PHLDB2: variants seen among roughly 807,000 people sequenced by gnomAD.
The protein encoded by PHLDB2 is pleckstrin homology-like domain family B member 2.
In PHLDB2, 71 loss-of-function variants were observed where a neutral mutation model predicts 123.6. That is an observed-to-expected ratio of 0.57 (90% CI 0.47 to 0.70). The LOEUF (loss-of-function observed/expected upper bound fraction) is 0.70. PHLDB2 is among the 30% of genes least tolerant of loss of function. The pLI is 0.00. For missense variants in PHLDB2, 1,446 were observed against 1,519.5 expected (o/e 0.95, Z 0.80); for synonymous variants, 547 against 541.6 (o/e 1.01, Z -0.14).
At chr3:111,825,734 C>G (rs992569419) in intron 1 of PHLDB2, among the ~76,000 whole-genome samples, 7 of 152,210 alleles carry the variant, frequency 4.6e-5, no homozygotes, top group African/African-American at 9.7e-5. Context: ...CGGGGTGAGC[C>G]ACCTCACCAT....
chr3:111,860,666 T>C (rs986087491), intron 1 of PHLDB2, among the ~76,000 whole-genome samples: 7 of 152,122 alleles, frequency 4.6e-5, no homozygotes, highest in Non-Finnish European at 1.0e-4. Context: ...TTACCTTTCT[T>C]ATGTAAAAGA....
intron 1 of PHLDB2, among the ~76,000 whole-genome samples, chr3:111,797,155 C>A (rs1160819566): frequency 6.6e-6 from 1 of 152,186 alleles, no homozygotes; most frequent in Non-Finnish European, 1.5e-5. Context: ...TTTAGTTTCT[C>A]ATTATATTTA....
intron 1 of PHLDB2, among the ~76,000 whole-genome samples, chr3:111,790,551 G>A (rs143847519): frequency 6.6e-6 from 1 of 152,292 alleles, no homozygotes; most frequent in Non-Finnish European, 1.5e-5. Flanking sequence ...CTATGACAGT[G>A]AACTGACATG....
intron 1 of PHLDB2, among the ~76,000 whole-genome samples, chr3:111,774,740 TG>T (rs2060236877): frequency 6.6e-6 from 1 of 152,178 alleles, no homozygotes; most frequent in Admixed American, 6.5e-5. Context: ...CCCAAATTCG[TG>T]GTGTTTTTAA....
At chr3:111,829,598 G>A in intron 1 of PHLDB2, among the ~76,000 whole-genome samples, 1 of 151,222 alleles carries the variant, frequency 6.6e-6, no homozygotes, top group Non-Finnish European at 1.5e-5. Context: ...TGAGTAGCTG[G>A]GATTACAGGC....
intron 2 of PHLDB2, among the ~76,000 whole-genome samples, chr3:111,852,270 CCTCT>C (rs139608690): frequency 6.7e-6 from 1 of 149,060 alleles, no homozygotes; most frequent in Non-Finnish European, 1.5e-5. Flanking sequence ...TGGCATTCTC[CCTCT>C]CTCTCTCGCT....
chr3:111,967,953 G>T, intron 15 of PHLDB2, 129 bp downstream of exon 15: 2 of 246,244 alleles, frequency 8.1e-6, no homozygotes, highest in Non-Finnish European at 1.4e-5. Flanking sequence ...TAAGGGTTAA[G>T]AGAAGAGTGT....
intron 1 of PHLDB2, among the ~76,000 whole-genome samples, chr3:111,861,442 C>T (rs2064832598): frequency 6.6e-6 from 1 of 152,138 alleles, no homozygotes; most frequent in African/African-American, 2.4e-5. Flanking sequence ...TTGAGTTTGT[C>T]GTCTTAGTTG....
Position 111,920,297 on chromosome 3 carries a change from G to A in PHLDB2, c.1879G>A (p.Ala627Thr). ...ESFRELDMEC[A>T]LLDGEQKSET... ...GTGTCCTTAGTTGGATATGGAATGT[G>A]CTCTTTTGGATGGAGAACAGAAATC... The change falls in exon 5 of 18, where the codon GCT (alanine) becomes ACT (threonine). Residue 627 changes from alanine (A) to threonine (T), a missense_variant. By Grantham distance (58) the Ala-to-Thr change is moderately conservative. Around this residue, in one of 3 missense-constraint regions of PHLDB2, gnomAD observed 832 missense variants for 831.9 expected, o/e 1.00. Coordinates refer to ENST00000431670, the MANE Select transcript of PHLDB2 (RefSeq NM_001134438.2). The A allele has an allele frequency of 6.2e-7, 1 of 1,613,682 alleles. No homozygotes were observed.
At chr3:111,927,903 A>G (rs2068901622) in intron 5 of PHLDB2, among the ~76,000 whole-genome samples, 1 of 152,230 alleles carries the variant, frequency 6.6e-6, no homozygotes, top group Non-Finnish European at 1.5e-5. Context: ...TTATTCCTTC[A>G]GTAATACAAC....
At chr3:111,918,805 A>G (rs2068326547) in intron 3 of PHLDB2, among the ~76,000 whole-genome samples, 1 of 152,204 alleles carries the variant, frequency 6.6e-6, no homozygotes, top group Non-Finnish European at 1.5e-5. Flanking sequence ...TATCTGTGTA[A>G]TCTCTTAGTT....
intron 1 of PHLDB2, among the ~76,000 whole-genome samples, chr3:111,829,794 A>G (rs545086441): frequency 3.3e-5 from 5 of 152,158 alleles, no homozygotes; most frequent in African/African-American, 7.2e-5. Flanking sequence ...TCTATTTTGT[A>G]TATTATTTAA....
intron 10 of PHLDB2, 88 bp downstream of exon 10, chr3:111,949,163 A>T (rs1246500060): frequency 6.2e-6 from 9 of 1,446,690 alleles, no homozygotes; most frequent in Non-Finnish European, 8.5e-6. Context: ...GTCCACGAGA[A>T]CGTGCATGAC....
At chr3:111,873,658 G>T (rs143805487) in intron 1 of PHLDB2, among the ~76,000 whole-genome samples, 20 of 152,216 alleles carry the variant, frequency 1.3e-4, no homozygotes, top group South Asian at 2.1e-4. Context: ...TGCTTTCTGG[G>T]TTGCTGTGTC....
chr3:111,772,179 T>C (rs7637178), intron 1 of PHLDB2, among the ~76,000 whole-genome samples: 130,280 of 152,128 alleles, frequency 0.86, 56,907 homozygotes, highest in East Asian at 1. Flanking sequence ...ACAAATTATA[T>C]ACTTAAAATG....
chr3:111,911,583 T>G, intron 2 of PHLDB2: 1 of 1,529,718 alleles, frequency 6.5e-7, no homozygotes, highest in Non-Finnish European at 8.8e-7. Flanking sequence ...ACTGAAGAGA[T>G]AAATAAGTAC....
At chr3:111,873,727 T>C (rs1373304981) in intron 1 of PHLDB2, among the ~76,000 whole-genome samples, 1 of 152,194 alleles carries the variant, frequency 6.6e-6, no homozygotes, top group Non-Finnish European at 1.5e-5. Context: ...TATATTTCTT[T>C]CAAAGCAAAG....
chr3:111,853,492 C>T (rs865977256), intron 2 of PHLDB2, among the ~76,000 whole-genome samples: 1 of 152,114 alleles, frequency 6.6e-6, no homozygotes, highest in Admixed American at 6.5e-5. Context: ...GAAAGGCAAA[C>T]GTGGTTGGAA....
intron 1 of PHLDB2, among the ~76,000 whole-genome samples, chr3:111,865,204 C>T (rs73852719): frequency 0.063 from 9,592 of 152,240 alleles, 341 homozygotes; most frequent in Non-Finnish European, 0.078. Context: ...TTTTCAAAAA[C>T]AGCTTAAGAT....
Sources: allele counts gnomAD v4.1 joint callset (sites outside exome capture counted in the v4.1 genomes callset), GRCh38; gene constraint gnomAD v4.1.1; regional missense constraint gnomAD v4.1.1; transcripts MANE v1.5; gene names NCBI Gene and HGNC (gene_info 2026-07-23, HGNC 2026-07-21).